CDCP1: variants seen among roughly 807,000 people sequenced by gnomAD.
CDCP1 encodes the protein CUB domain-containing protein 1.
In CDCP1, 29 loss-of-function variants were observed where a neutral mutation model predicts 60.2. The observed-to-expected ratio is 0.48, with a 90% CI of 0.36 to 0.66. The LOEUF is 0.66. CDCP1 is among the 30% of genes least tolerant of loss of function. The pLI, the probability that CDCP1 is intolerant of heterozygous loss-of-function variation, is 0.00. For synonymous variants in CDCP1, 387 were observed against 431.1 expected, an observed-to-expected ratio of 0.90 and a Z score of 1.27; for missense variants, 876 against 1,074.3, an observed-to-expected ratio of 0.82 and a Z score of 2.58.
chr3:45,105,519 T>C (rs1468841432), intron 4 of CDCP1, among the ~76,000 whole-genome samples: 1 of 152,194 alleles, frequency 6.6e-6, no homozygotes, highest in African/African-American at 2.4e-5. Flanking sequence ...GCTTGTCGTA[T>C]GTGACTCATG....
At chr3:45,146,449 G>A (rs751035905), upstream of CDCP1, 65 of 532,530 alleles carry the variant, frequency 1.2e-4, no homozygotes, top group Admixed American at 1.5e-3. Flanking sequence ...GAGCTGACCC[G>A]GTGCGTCCCT....
At chr3:45,128,974 C>T (rs1699044827) in intron 1 of CDCP1, among the ~76,000 whole-genome samples, 1 of 152,264 alleles carries the variant, frequency 6.6e-6, no homozygotes, top group Admixed American at 6.5e-5. Flanking sequence ...GCCTTAGCCT[C>T]CCAAAGTGCT....
chr3:45,109,232 A>G (rs760972823), intron 4 of CDCP1, among the ~76,000 whole-genome samples: 40 of 151,886 alleles, frequency 2.6e-4, no homozygotes, highest in Non-Finnish European at 5.1e-4. Flanking sequence ...TACAGGCATG[A>G]GCCACCGTGC....
At position 45,110,483 on chromosome 3, in the gene CDCP1, T is replaced by C; in HGVS notation, c.1014A>G (p.Gln338=). The C allele has an allele frequency of 1.2e-6, 2 of 1,613,988 alleles. No individual in the cohort carries two copies. Among genetic ancestry groups the C allele is most frequent in the Non-Finnish European group, 1.7e-6 (2 of 1,179,860 alleles). The change falls in exon 4 of 9, where the codon CAA becomes CAG. Residue 338 remains glutamine (Q), a synonymous_variant. Transcript: ENST00000296129. ...LQFQVLVQHP[Q]NESNKIYVVD... Reference sequence around the variant, plus strand: ...GTGGGGCTCACTCACTGCTTTCATTTTGTGGATGTTGGACCAAAACTTGGA... The same window carrying C: ...GTGGGGCTCACTCACTGCTTTCATTCTGTGGATGTTGGACCAAAACTTGGA...
At chr3:45,126,138 C>CT (rs1321872620) in intron 1 of CDCP1, among the ~76,000 whole-genome samples, 1 of 138,960 alleles carries the variant, frequency 7.2e-6, no homozygotes, top group Admixed American at 7.4e-5. Context: ...TTCTTTCTTT[C>CT]TTTCTTTCTT....
intron 1 of CDCP1, among the ~76,000 whole-genome samples, chr3:45,124,580 T>C (rs1447746406): frequency 2.0e-5 from 3 of 151,766 alleles, no homozygotes; most frequent in Admixed American, 1.3e-4. Flanking sequence ...GTGAGTCAGG[T>C]TCCACTTATG....
At chr3:45,135,306 A>AAC (rs962844842) in intron 1 of CDCP1, among the ~76,000 whole-genome samples, 1 of 152,020 alleles carries the variant, frequency 6.6e-6, no homozygotes, top group Non-Finnish European at 1.5e-5. Context: ...AGAAAAAAAA[A>AAC]AAAACAAAAA....
Position 45,085,456 on chromosome 3 carries a change from T to C in CDCP1, c.*182A>G. The C allele has an allele frequency of 1.6e-6, 1 of 635,768 alleles. No homozygotes were observed. The allele number at this position is 635,768 out of a possible 1,614,324, so 39.4% of individuals were successfully genotyped here. On this transcript the variant is annotated 3_prime_UTR_variant, in exon 9 of 9. Transcript: ENST00000296129. This position sits in a 1 kb window ranked among gnomAD's most constrained non-coding sequence, Gnocchi z 4.2. Reference sequence around the variant, plus strand: ...ACTGTATCCAGATTGGAATTCATCATTTTCAATGTCTTGCCCTTAGAATGA... The same window carrying C: ...ACTGTATCCAGATTGGAATTCATCACTTTCAATGTCTTGCCCTTAGAATGA...
chr3:45,110,157 A>G, intron 4 of CDCP1: 1 of 1,162,810 alleles, frequency 8.6e-7, no homozygotes, highest in Non-Finnish European at 1.1e-6. Context: ...TGCGGGTGAC[A>G]TCCTCATTCA....
intron 1 of CDCP1, among the ~76,000 whole-genome samples, chr3:45,126,733 A>G (rs1361324482): frequency 6.6e-6 from 1 of 152,208 alleles, no homozygotes; most frequent in Non-Finnish European, 1.5e-5. Flanking sequence ...GCCTGTCTAA[A>G]TAGTAACAAC....
Position 45,118,403 on chromosome 3 carries a change from T to A in CDCP1, c.292+9A>T, listed in dbSNP as rs771312848. ...GACATTGTCAAACAGCTCACAAGTG[T>A]CTACTTACCAATATTTTTCTGGATC... On this transcript the variant is annotated intron_variant, in intron 2 of 8. Transcript: ENST00000296129. The A allele has an allele frequency of 4.4e-6, 7 of 1,600,064 alleles. No homozygotes were observed. In the South Asian group the frequency reaches 7.7e-5, roughly 18 times the overall value.
intron 1 of CDCP1, among the ~76,000 whole-genome samples, chr3:45,126,215 CTTCTTTCT>C (rs1185372407): frequency 1.4e-5 from 2 of 138,928 alleles, no homozygotes; most frequent in Admixed American, 7.7e-5. Context: ...TCCTTCCTTC[CTTCTTTCT>C]TTCCTTCCTT....
At chr3:45,131,798 G>A (rs1486371712) in intron 1 of CDCP1, among the ~76,000 whole-genome samples, 3 of 152,198 alleles carry the variant, frequency 2.0e-5, no homozygotes, top group Non-Finnish European at 4.4e-5. Context: ...GTGAAAAGCT[G>A]GTTAGCACAT....
chr3:45,097,546 G>C (rs903719369), intron 4 of CDCP1, among the ~76,000 whole-genome samples: 1 of 149,504 alleles, frequency 6.7e-6, no homozygotes, highest in Non-Finnish European at 1.5e-5. Context: ...TTAGGAAGGC[G>C]CCTGTGCAAA....
intron 1 of CDCP1, among the ~76,000 whole-genome samples, chr3:45,137,652 CAAA>C (rs55725243): frequency 0.014 from 1,607 of 118,132 alleles, 28 homozygotes; most frequent in African/African-American, 0.049. Context: ...ATTAAAAATA[CAAA>C]AAAAAAAAAA....
Position 45,126,158 on chromosome 3 carries a change from C to CT in CDCP1, c.83-7538dup, listed in dbSNP as rs1559398913. On this transcript the variant is annotated intron_variant, in intron 1 of 8. Coordinates refer to ENST00000296129, the MANE Select transcript of CDCP1 (RefSeq NM_022842.5). ...TCTTTCTTTCTTTCTTTCTTTCTTT[C>CT]TTTCTTTCTTTCTTTCCTTCTTTCT... is the stretch of plus-strand genomic sequence containing the variant. Among the ~76,000 whole-genome samples the CT allele has an allele frequency of 3.5e-5, 5 of 144,686 alleles. No homozygotes were observed. The South Asian group carries it at 1.1e-3, about 33-fold the overall frequency. 94.9% of individuals were successfully genotyped at this position (144,686 alleles called of 152,430 possible). A position where few individuals can be genotyped will look rare whatever the true frequency, so the allele number is the denominator to read the frequency against.
At chr3:45,108,803 A>G (rs1380650856) in intron 4 of CDCP1, among the ~76,000 whole-genome samples, 1 of 36,442 alleles carries the variant, frequency 2.7e-5, no homozygotes, top group Non-Finnish European at 6.6e-5. Flanking sequence ...GTATATATAT[A>G]TATGCATGTA....
At chr3:45,130,320 T>A (rs976341940) in intron 1 of CDCP1, among the ~76,000 whole-genome samples, 2 of 152,054 alleles carry the variant, frequency 1.3e-5, no homozygotes, top group Non-Finnish European at 2.9e-5. Context: ...AGGGTATCAC[T>A]ATGTTGCTCA....
In CDCP1 at chr3:45,095,412, T is replaced by G. The variant is rs1218418493; in HGVS notation, c.1181A>C (p.Lys394Thr). ...SSNLTLTSGS[K>T]HKISFLCDDL... ...ATCACAAAGGAAGGAGATTTTGTGT[T>G]TGGAGCCAGATGTCAGGGTGAGGTT... The change falls in exon 5 of 9, where the codon AAA (lysine) becomes ACA (threonine). Residue 394 changes from lysine to threonine, a missense_variant. Physicochemically the swap from Lys to Thr is moderately conservative, Grantham distance 78 (BLOSUM62 -1). Coordinates refer to ENST00000296129, the MANE Select transcript of CDCP1 (RefSeq NM_022842.5). 6.2e-7 allele frequency: 1 copy of G among 1,614,060 alleles called. No homozygotes were observed. Among genetic ancestry groups the G allele is most frequent in the Non-Finnish European group, 8.5e-7 (1 of 1,180,038 alleles).
Sources: allele counts gnomAD v4.1 joint callset (sites outside exome capture counted in the v4.1 genomes callset), GRCh38; gene constraint gnomAD v4.1.1; non-coding constraint Gnocchi (gnomAD v3.1); transcripts MANE v1.5; gene names NCBI Gene and HGNC (gene_info 2026-07-23, HGNC 2026-07-21).